C12orf56: variants seen among roughly 807,000 people sequenced by gnomAD.
The protein encoded by C12orf56 is chromosome 12 open reading frame 56, also known as uncharacterized protein C12orf56.
C12orf56 carries 71 observed loss-of-function variants against 69.9 expected under a neutral mutation model. The ratio of observed to expected loss-of-function variants is 1.02; its 90% CI spans 0.84 to 1.24. The LOEUF (loss-of-function observed/expected upper bound fraction) is 1.24, where lower values mean the gene tolerates loss of function less well. Ranked by LOEUF, C12orf56 falls within the 50% of genes most tolerant of loss-of-function variation. The pLI, the probability that C12orf56 is intolerant of heterozygous loss-of-function variation, is 0.00. For synonymous variants in C12orf56, 276 were observed against 274.1 expected (o/e 1.01, Z -0.07); for missense variants, 732 against 738.5 (o/e 0.99, Z 0.10).
At chr12:64,323,900 A>G (rs2038803954) in intron 3 of C12orf56, among the ~76,000 whole-genome samples, 1 of 152,236 alleles carries the variant, frequency 6.6e-6, no homozygotes. Context: ...GGGGAATTAC[A>G]TGCTGAAATG....
chr12:64,272,701 G>A (rs1255533753), intron 11 of C12orf56, among the ~76,000 whole-genome samples: 1 of 152,132 alleles, frequency 6.6e-6, no homozygotes, highest in Non-Finnish European at 1.5e-5. Context: ...AAGGGGTCTT[G>A]CATCTTGCAC....
intron 1 of C12orf56, among the ~76,000 whole-genome samples, chr12:64,368,530 G>A (rs986695858): frequency 1.3e-5 from 2 of 152,034 alleles, no homozygotes; most frequent in Admixed American, 1.3e-4. Flanking sequence ...ATGTACACAG[G>A]TCAGGATTAA....
At chr12:64,326,228 G>T (rs188631241) in intron 3 of C12orf56, among the ~76,000 whole-genome samples, 5 of 152,020 alleles carry the variant, frequency 3.3e-5, no homozygotes. Flanking sequence ...GGAGGGGGGT[G>T]GTACATACTG....
intron 8 of C12orf56, 89 bp from the exon 9 acceptor site, chr12:64,277,892 T>C (rs753168287): frequency 4.4e-5 from 49 of 1,107,360 alleles, no homozygotes; most frequent in Non-Finnish European, 5.6e-5. Flanking sequence ...GATATAATTA[T>C]GTTTAAAAGA....
Position 64,390,710 on chromosome 12 carries a change from G to T in C12orf56, c.-145C>A. 1 of 1,197,434 alleles carries T rather than the reference G, an allele frequency of 8.4e-7. No homozygotes were observed. Among genetic ancestry groups the T allele is most frequent in the Non-Finnish European group, 1.1e-6 (1 of 916,346 alleles). 74.2% of individuals were successfully genotyped at this position (1,197,434 alleles called of 1,614,324 possible). On this transcript the variant is annotated 5_prime_UTR_variant, in exon 1 of 13. Coordinates refer to ENST00000543942, the MANE Select transcript of C12orf56 (RefSeq NM_001170633.2). ...AGGCGCGGGGACCCGGGCCGCAACT[G>T]CAGGAATCGACGCTAGGTCGGCTTC...
intron 1 of C12orf56, among the ~76,000 whole-genome samples, chr12:64,380,136 A>AAAC (rs2039699910): frequency 5.4e-5 from 2 of 37,024 alleles, no homozygotes; most frequent in African/African-American, 7.8e-5. Context: ...AAAAAAAAAC[A>AAAC]AAACAAACAA....
At chr12:64,363,353 G>T (rs2039422299) in intron 1 of C12orf56, among the ~76,000 whole-genome samples, 1 of 152,166 alleles carries the variant, frequency 6.6e-6, no homozygotes, top group Non-Finnish European at 1.5e-5. Flanking sequence ...AGGCTAAAAG[G>T]ATAGGTAAGT....
At position 64,380,119 on chromosome 12, in the gene C12orf56, A is replaced by AAC. The variant is rs1565783055; in HGVS notation, c.252+10194_252+10195insGT. Among the ~76,000 whole-genome samples the AAC allele has an allele frequency of 3.0e-4, 26 of 87,654 alleles. 1 individual carries two copies. Among genetic ancestry groups the AAC allele is most frequent in the African/African-American group, 8.8e-4 (26 of 29,460 alleles). The allele number at this position is 87,654 out of a possible 152,430, so 57.5% of individuals were successfully genotyped here. A position where few individuals can be genotyped will look rare whatever the true frequency, so the allele number is the denominator to read the frequency against. The stretch of plus-strand genomic sequence containing the variant: ...GACTCCGTCGCAAAAAAAAAAAAAA[A>AAC]AAAAAAAAAAAAAAACAAAACAAAC... On this transcript the variant is annotated intron_variant, in intron 1 of 12. Transcript: ENST00000543942.
chr12:64,334,483 C>G (rs1171111910), intron 2 of C12orf56, among the ~76,000 whole-genome samples: 1 of 151,954 alleles, frequency 6.6e-6, no homozygotes, highest in Non-Finnish European at 1.5e-5. Context: ...CTATGCATAC[C>G]CTCCCATATA....
At chr12:64,274,701 A>G (rs1208174848) in intron 11 of C12orf56, among the ~76,000 whole-genome samples, 200 bp downstream of exon 11, 1 of 152,250 alleles carries the variant, frequency 6.6e-6, no homozygotes, top group Non-Finnish European at 1.5e-5. Flanking sequence ...TTTAAGATAT[A>G]ATTTCAGTAC....
chr12:64,365,243 C>T (rs1721135445), intron 1 of C12orf56, among the ~76,000 whole-genome samples: 2 of 148,498 alleles, frequency 1.3e-5, no homozygotes, highest in Admixed American at 6.9e-5. Flanking sequence ...CGGCTCACTG[C>T]AACCTCCGCC....
chr12:64,332,302 C>CAA (rs10680877), intron 2 of C12orf56, among the ~76,000 whole-genome samples: 23,106 of 99,944 alleles, frequency 0.23, 3,356 homozygotes, highest in Middle Eastern at 0.28. Context: ...GACTCCATCT[C>CAA]AAAAAAAAAA....
intron 1 of C12orf56, among the ~76,000 whole-genome samples, chr12:64,365,126 A>C (rs1018561491): frequency 4.0e-5 from 6 of 150,504 alleles, no homozygotes; most frequent in Admixed American, 1.3e-4. Context: ...ATATCATTTA[A>C]TCCGCAGACA....
intron 1 of C12orf56, among the ~76,000 whole-genome samples, chr12:64,363,056 C>T (rs1043051826): frequency 2.6e-5 from 4 of 152,192 alleles, no homozygotes; most frequent in Admixed American, 1.3e-4. Flanking sequence ...TGCTGACCTT[C>T]TGTCTCATGC....
chr12:64,323,117 G>C (rs866929284), intron 3 of C12orf56, among the ~76,000 whole-genome samples: 2 of 152,210 alleles, frequency 1.3e-5, no homozygotes, highest in South Asian at 2.1e-4. Flanking sequence ...TCAGTGACTC[G>C]TGTGCTGCCC....
chr12:64,334,728 T>C (rs1388924243), intron 2 of C12orf56, among the ~76,000 whole-genome samples: 1 of 152,168 alleles, frequency 6.6e-6, no homozygotes, highest in Non-Finnish European at 1.5e-5. Flanking sequence ...AGAAAAGACC[T>C]TAAAGGCTTT....
chr12:64,379,999 GGAGGCTGAGGCAGGA>G (rs1437492718), intron 1 of C12orf56, among the ~76,000 whole-genome samples: 1 of 149,148 alleles, frequency 6.7e-6, no homozygotes, highest in Non-Finnish European at 1.5e-5. Context: ...CAGCTACTCC[GGAGGCTGAGGCAGGA>G]GAATGGCGTG....
chr12:64,356,038 T>C (rs1289375317), intron 1 of C12orf56, among the ~76,000 whole-genome samples: 2 of 151,796 alleles, frequency 1.3e-5, no homozygotes, highest in Non-Finnish European at 2.9e-5. Context: ...GTGGTGTGCA[T>C]CTGTAATCCC....
intron 7 of C12orf56, among the ~76,000 whole-genome samples, 153 bp downstream of exon 7, chr12:64,285,801 T>C (rs569924649): frequency 1.3e-5 from 2 of 150,454 alleles, no homozygotes; most frequent in South Asian, 4.2e-4. Context: ...AGAAAATAAA[T>C]AAATAAATAA....
Sources: gnomAD v4.1 joint callset for allele counts (sites outside exome capture counted in the v4.1 genomes callset) on GRCh38, gnomAD v4.1.1 for gene constraint, MANE v1.5 for transcripts, NCBI Gene and HGNC (gene_info 2026-07-23, HGNC 2026-07-21) for gene names.